The following FNBP1L variants were observed in gnomAD, a reference collection of about 807,000 sequenced individuals.
The protein encoded by FNBP1L is formin-binding protein 1-like.
In FNBP1L, 36 loss-of-function variants were observed where a neutral mutation model predicts 91.2. The ratio of observed to expected loss-of-function variants is 0.39; its 90% CI spans 0.30 to 0.52. FNBP1L has a LOEUF of 0.52. FNBP1L is among the 20% of genes least tolerant of loss of function. FNBP1L has a pLI of 0.66. For synonymous variants in FNBP1L, 242 were observed against 237.0 expected, an observed-to-expected ratio of 1.02 and a Z score of -0.19; for missense variants, 571 against 732.1, an observed-to-expected ratio of 0.78 and a Z score of 2.54.
chr1:93,469,568 A>G (rs1347018398), intron 1 of FNBP1L, among the ~76,000 whole-genome samples: 1 of 152,208 alleles, frequency 6.6e-6, no homozygotes, highest in Non-Finnish European at 1.5e-5. Flanking sequence ...GTGTCTTTAT[A>G]GTAGCATGAT....
chr1:93,471,449 T>TGGGA (rs1669284044), intron 1 of FNBP1L, among the ~76,000 whole-genome samples: 1 of 152,190 alleles, frequency 6.6e-6, no homozygotes. Context: ...TCCAGCACTT[T>TGGGA]GGGAGGCCAA....
intron 1 of FNBP1L, among the ~76,000 whole-genome samples, chr1:93,474,085 A>G (rs1669404732): frequency 6.6e-6 from 1 of 152,140 alleles, no homozygotes; most frequent in Admixed American, 6.6e-5. Context: ...TCTCTACTAA[A>G]AATACAAAAA....
intron 2 of FNBP1L, among the ~76,000 whole-genome samples, chr1:93,513,306 C>G (rs1211800000): frequency 6.6e-6 from 1 of 151,366 alleles, no homozygotes; most frequent in East Asian, 1.9e-4. Context: ...GAGTCCAGGA[C>G]CAGATGGATT....
intron 1 of FNBP1L, among the ~76,000 whole-genome samples, chr1:93,475,227 A>G (rs1431040137): frequency 2.0e-5 from 3 of 152,120 alleles, no homozygotes; most frequent in Admixed American, 6.5e-5. Flanking sequence ...CAAGCTTTAC[A>G]TATTCTGAAA....
intron 1 of FNBP1L, among the ~76,000 whole-genome samples, chr1:93,452,685 C>T (rs1212784709): frequency 6.6e-6 from 1 of 152,194 alleles, no homozygotes; most frequent in Non-Finnish European, 1.5e-5. Context: ...CTTAAGCTCT[C>T]AAGAAGCTGG....
chr1:93,519,363 C>T (rs1460637547), intron 2 of FNBP1L, among the ~76,000 whole-genome samples: 3 of 152,266 alleles, frequency 2.0e-5, no homozygotes, highest in Admixed American at 2.0e-4. Context: ...TAGATCTTCT[C>T]TAATGAGCAG....
chr1:93,473,701 A>G (rs569534903), intron 1 of FNBP1L, among the ~76,000 whole-genome samples: 67 of 152,312 alleles, frequency 4.4e-4, no homozygotes, highest in African/African-American at 1.6e-3. Context: ...TGGTCCTGGT[A>G]GGAAACAGTA....
chr1:93,478,139 A>G (rs527300632), intron 1 of FNBP1L, among the ~76,000 whole-genome samples: 1 of 152,342 alleles, frequency 6.6e-6, no homozygotes, highest in South Asian at 2.1e-4. Flanking sequence ...TTTAAAGTGA[A>G]TAGGAGGAAC....
chr1:93,542,134 A>T (rs1357873030), intron 11 of FNBP1L, among the ~76,000 whole-genome samples: 11 of 152,054 alleles, frequency 7.2e-5, no homozygotes. Context: ...CTAGTTTTCA[A>T]AACTTGTACT....
chr1:93,500,148 T>C (rs1670397668), intron 2 of FNBP1L, among the ~76,000 whole-genome samples: 1 of 152,206 alleles, frequency 6.6e-6, no homozygotes. Flanking sequence ...GTAAAAATGG[T>C]GCTTGAAGTC....
intron 2 of FNBP1L, among the ~76,000 whole-genome samples, chr1:93,502,515 A>G (rs571154306): frequency 6.6e-6 from 1 of 152,244 alleles, no homozygotes; most frequent in South Asian, 2.1e-4. Context: ...CATCTAATCA[A>G]ATGGCAGACT....
At chr1:93,532,875 A>T (rs1269320396) in intron 7 of FNBP1L, 47 bp from the exon 8 acceptor site, 2 of 1,468,654 alleles carry the variant, frequency 1.4e-6, no homozygotes, top group Non-Finnish European at 9.3e-7. Flanking sequence ...CTTTAGAATG[A>T]TTGAAAAATT....
chr1:93,508,995 C>T (rs1670725288), intron 2 of FNBP1L, among the ~76,000 whole-genome samples: 1 of 152,130 alleles, frequency 6.6e-6, no homozygotes, highest in African/African-American at 2.4e-5. Flanking sequence ...AGCATGCCTT[C>T]CTAAGAATTA....
chr1:93,534,191 A>G (rs186889376), intron 8 of FNBP1L, among the ~76,000 whole-genome samples: 1 of 152,274 alleles, frequency 6.6e-6, no homozygotes, highest in East Asian at 1.9e-4. Context: ...CACAGTATAT[A>G]TTTAATTTAT....
chr1:93,535,329 T>C (rs566057410), intron 9 of FNBP1L, among the ~76,000 whole-genome samples: 34 of 152,286 alleles, frequency 2.2e-4, no homozygotes, highest in African/African-American at 7.7e-4. Flanking sequence ...ATCATCCATA[T>C]GAGTTTTTAA....
At chr1:93,475,421 C>T (rs920629621) in intron 1 of FNBP1L, among the ~76,000 whole-genome samples, 11 of 151,772 alleles carry the variant, frequency 7.2e-5, no homozygotes, top group Admixed American at 1.3e-4. Context: ...TGCCTGTGGT[C>T]CCAGCTATTT....
intron 1 of FNBP1L, among the ~76,000 whole-genome samples, chr1:93,473,006 C>G (rs943728181): frequency 1.3e-5 from 2 of 151,968 alleles, no homozygotes; most frequent in Admixed American, 6.6e-5. Flanking sequence ...TCATTTTGCA[C>G]TTGCTGCTAG....
intron 12 of FNBP1L, among the ~76,000 whole-genome samples, chr1:93,545,372 C>A (rs942553157): frequency 2.0e-5 from 3 of 152,094 alleles, no homozygotes; most frequent in Admixed American, 1.3e-4. Context: ...TTGAATGTAC[C>A]TCTGGTGACT....
In FNBP1L at chr1:93,549,374, T is replaced by C; in HGVS notation, c.1599T>C (p.Asp533=). ...ATGAGTTTGATGATGAATTTGAGGA[T>C]GATGATCCCTTGCCTGCTATTGGAC... is the stretch of plus-strand genomic sequence containing the variant. ...HHNEFDDEFE[D]DDPLPAIGHC... Residue 533 remains aspartate (D), a synonymous_variant, in exon 15 of 17, where the codon GAT becomes GAC. Coordinates refer to ENST00000271234, the MANE Select transcript of FNBP1L (RefSeq NM_001164473.3). The C allele has an allele frequency of 1.2e-6, 2 of 1,612,706 alleles. No individual in the cohort carries two copies. The highest frequency in any genetic ancestry group is 1.7e-6 in the Non-Finnish European group (2 of 1,179,386).
Sources: allele counts gnomAD v4.1 joint callset (sites outside exome capture counted in the v4.1 genomes callset), GRCh38; gene constraint gnomAD v4.1.1; transcripts MANE v1.5; gene names NCBI Gene and HGNC (gene_info 2026-07-23, HGNC 2026-07-21).